The following PLEKHG3 variants were observed in gnomAD, a reference collection of about 807,000 sequenced individuals.
The protein encoded by PLEKHG3 is pleckstrin homology domain-containing family G member 3.
A neutral mutation model predicts 94.9 loss-of-function variants in PLEKHG3; 62 were observed. The observed-to-expected ratio is 0.65, with a 90% confidence interval of 0.53 to 0.81. The LOEUF (loss-of-function observed/expected upper bound fraction) is 0.81, where lower values mean the gene tolerates loss of function less well. Ranked by LOEUF, PLEKHG3 falls within the 30% of genes least tolerant of loss-of-function variation. PLEKHG3 has a pLI of 0.00. For missense variants in PLEKHG3, 1,461 were observed against 1,619.3 expected, an observed-to-expected ratio of 0.90 and a Z score of 1.68; for synonymous variants, 614 against 654.0, an observed-to-expected ratio of 0.94 and a Z score of 0.93.
In PLEKHG3 at chr14:64,738,460, G is replaced by GT. The variant is rs1167348062; in HGVS notation, c.1405-281dup. On this transcript the variant is annotated intron_variant, in intron 14 of 16. Coordinates refer to ENST00000247226, the MANE Select transcript of PLEKHG3 (RefSeq NM_001308147.2). This position sits in a 1 kb window ranked among gnomAD's most constrained non-coding sequence, Gnocchi z 4.8. ...CAAGCATGACAAGTGGGGTGGGGTGGTGGGGGCAGGGAGAAGCTAGCACAC... is the reference window on the plus strand; with the variant it reads ...CAAGCATGACAAGTGGGGTGGGGTGGTTGGGGGCAGGGAGAAGCTAGCACAC... Among the ~76,000 whole-genome samples the GT allele has an allele frequency of 2.0e-5, 3 of 152,220 alleles. No individual in the cohort carries two copies. Among genetic ancestry groups the GT allele is most frequent in the Non-Finnish European group, 4.4e-5 (3 of 68,038 alleles).
rs1349936705 is a variant in PLEKHG3, at chr14:64,723,216, T to TCC, written c.-39-4373_-39-4372dup. On this transcript the variant is annotated intron_variant, in intron 1 of 16. Coordinates refer to ENST00000247226, the MANE Select transcript of PLEKHG3 (RefSeq NM_001308147.2). The surrounding 1 kb of genome is among the most constrained non-coding windows in gnomAD (Gnocchi z 4.5). ...GAAAAAGAAAAGAAACCTCCCTCTC[T>TCC]CCCCCTCTTCTGCCCCTGGATCCTT... is the stretch of plus-strand genomic sequence containing the variant. 6.6e-6 allele frequency among the ~76,000 whole-genome samples: 1 copy of TCC among 152,080 alleles called. No individual in the cohort carries two copies. The highest frequency in any genetic ancestry group is 1.5e-5 in the Non-Finnish European group (1 of 68,008).
At position 64,737,338 on chromosome 14, in the gene PLEKHG3, C is replaced by T. The variant is rs763176376; in HGVS notation, c.1385-18C>T. 17 of 1,603,118 alleles carry T rather than the reference C, an allele frequency of 1.1e-5. No individual in the cohort carries two copies. In the Admixed American group the frequency reaches 1.5e-4, roughly 15 times the overall value. ...CCCCTCGCCCGTGTGCTGGGGGACC[C>T]GGTGGTGATGTCTGCAGCCCGAGCA... On this transcript the variant is annotated intron_variant, in intron 13 of 16. Coordinates refer to ENST00000247226, the MANE Select transcript of PLEKHG3 (RefSeq NM_001308147.2).
In PLEKHG3 at chr14:64,731,866, G is replaced by A; in HGVS notation, c.1125+60G>A. On this transcript the variant is annotated intron_variant, in intron 9 of 16. Coordinates refer to ENST00000247226, the MANE Select transcript of PLEKHG3 (RefSeq NM_001308147.2). The surrounding 1 kb of genome is among the most constrained non-coding windows in gnomAD (Gnocchi z 6.1). The stretch of plus-strand genomic sequence containing the variant: ...AAGATGCCCAGGGGACACCTGCGTG[G>A]GACTCCTGGCTCCTCTGCTCACCTA... The A allele has an allele frequency of 1.6e-6, 2 of 1,242,064 alleles. No homozygotes were observed. The highest frequency in any genetic ancestry group is 2.4e-6 in the Non-Finnish European group (2 of 847,748). The allele number at this position is 1,242,064 out of a possible 1,614,324, so 76.9% of individuals were successfully genotyped here. A position where few individuals can be genotyped will look rare whatever the true frequency, so the allele number is the denominator to read the frequency against.
Position 64,745,629 on chromosome 14 carries a change from C to T in PLEKHG3, c.*1926C>T, listed in dbSNP as rs2081820727. 6.6e-6 allele frequency: 1 copy of T among 152,310 alleles called. No homozygotes were observed. The highest frequency in any genetic ancestry group is 1.5e-5 in the Non-Finnish European group (1 of 68,092). 9.4% of individuals were successfully genotyped at this position (152,310 alleles called of 1,614,324 possible). A position where few individuals can be genotyped will look rare whatever the true frequency, so the allele number is the denominator to read the frequency against. On this transcript the variant is annotated 3_prime_UTR_variant, in exon 17 of 17. Transcript: ENST00000247226. This position sits in a 1 kb window ranked among gnomAD's most constrained non-coding sequence, Gnocchi z 5.0. ...AGACTGGCCTGGCAGGAGCCAGTGA[C>T]TGTGGAATGACCACAGAAGATTCAG...
At position 64,744,771 on chromosome 14, in the gene PLEKHG3, A is replaced by ATTTTTTTTTTTTTTTTTTTTTTTT. The variant is rs397954215; in HGVS notation, c.*1088_*1089insTTTTTTTTTTTTTTTTTTTTTTTT. The ATTTTTTTTTTTTTTTTTTTTTTTT allele has an allele frequency of 3.0e-4, 36 of 122,014 alleles. 3 individuals are homozygous for ATTTTTTTTTTTTTTTTTTTTTTTT. The highest frequency in any genetic ancestry group is 1.1e-3 in the African/African-American group (32 of 29,494). 7.6% of individuals were successfully genotyped at this position (122,014 alleles called of 1,614,324 possible). A position where few individuals can be genotyped will look rare whatever the true frequency, so the allele number is the denominator to read the frequency against. On this transcript the variant is annotated 3_prime_UTR_variant, in exon 17 of 17. Transcript: ENST00000247226. ...CCAGGAAACATCCTAGAAGACAAGG[A>ATTTTTTTTTTTTTTTTTTTTTTTT]TTTTTTTTTTTTTTTTTTTTGAGAC... is the stretch of plus-strand genomic sequence containing the variant.
chr14:64,737,705 C>T (rs548347110), intron 14 of PLEKHG3, among the ~76,000 whole-genome samples: 1 of 152,204 alleles, frequency 6.6e-6, no homozygotes, highest in African/African-American at 2.4e-5. Flanking sequence ...GCCTTTCCAC[C>T]ATGAGAATGC....
In PLEKHG3 at chr14:64,738,275, G is replaced by A. The variant is rs1243196346; in HGVS notation, c.1405-467G>A. 5.7e-5 allele frequency: 68 copies of A among 1,192,086 alleles called. 1 individual carries two copies. The highest frequency in any genetic ancestry group is 7.2e-5 in the Non-Finnish European group (65 of 905,612). The allele number at this position is 1,192,086 out of a possible 1,614,324, so 73.8% of individuals were successfully genotyped here. A position where few individuals can be genotyped will look rare whatever the true frequency, so the allele number is the denominator to read the frequency against. On this transcript the variant is annotated intron_variant, in intron 14 of 16. Coordinates refer to ENST00000247226, the MANE Select transcript of PLEKHG3 (RefSeq NM_001308147.2). The surrounding 1 kb of genome is among the most constrained non-coding windows in gnomAD (Gnocchi z 4.8). ...CCTCCTTGCATGCTCCCTGGGATGT[G>A]CATGCCCACCCGAGGGCCCCCTCTG...
intron 16 of PLEKHG3, 117 bp from the exon 17 acceptor site, chr14:64,742,865 A>G (rs1288474796): frequency 1.1e-6 from 1 of 924,562 alleles, no homozygotes; most frequent in African/African-American, 1.6e-5. Flanking sequence ...CTCCCATCAC[A>G]CCCAAAACCC....
rs2081710975 is a variant in PLEKHG3 at position 64,742,128 on chromosome 14, C to T, written c.2611C>T (p.Pro871Ser). ...SATASPESSSPTEGRSPAHLA... is the reference protein window; with the variant it reads ...SATASPESSSSTEGRSPAHLA... ...CACTGCCTCCCCGGAAAGCTCCTCT[C>T]CCACTGAGGGGCGCAGCCCGGCCCA... Residue 871 changes from proline (P) to serine (S), a missense_variant, in exon 16 of 17, where the codon CCC (proline) becomes TCC (serine). Physicochemically the swap from Pro to Ser is moderately conservative, Grantham distance 74. Around this residue, in one of 3 missense-constraint regions of PLEKHG3, gnomAD observed 1,201 missense variants for 1,295.5 expected, o/e 0.93. Transcript: ENST00000247226. The T allele has an allele frequency of 2.5e-6, 4 of 1,611,176 alleles. No homozygotes were observed. The highest frequency in any genetic ancestry group is 3.3e-5 in the Admixed American group (2 of 60,014).
chr14:64,729,352 G>A (rs1171314327), intron 3 of PLEKHG3, among the ~76,000 whole-genome samples: 8 of 152,204 alleles, frequency 5.3e-5, no homozygotes, highest in Admixed American at 5.2e-4. Context: ...GGGCTGCTGG[G>A]CCCTACCTTG....
Position 64,727,833 on chromosome 14 carries a change from T to C in PLEKHG3, c.202T>C (p.Trp68Arg). 1 of 1,613,120 alleles carries C rather than the reference T, an allele frequency of 6.2e-7. No individual in the cohort carries two copies. The highest frequency in any genetic ancestry group is 8.5e-7 in the Non-Finnish European group (1 of 1,179,390). Residue 68 changes from tryptophan (W) to arginine (R), a missense_variant, in exon 2 of 17, where the codon TGG (tryptophan) becomes CGG (arginine). Around this residue, in one of 3 missense-constraint regions of PLEKHG3, gnomAD observed 253 missense variants for 297.8 expected, o/e 0.85. Coordinates refer to ENST00000247226, the MANE Select transcript of PLEKHG3 (RefSeq NM_001308147.2). This position sits in a 1 kb window ranked among gnomAD's most constrained non-coding sequence, Gnocchi z 6.0. The part of the protein sequence containing the change: ...LPNSNNNSSS[W>R]LNVKGPLSPF... The stretch of plus-strand genomic sequence containing the variant: ...CAACAGCAACAACAACTCCAGCAGC[T>C]GGTTGAACGTGAAGGGGCCCCTCTC...
In PLEKHG3 at chr14:64,721,675, G is replaced by A. The variant is rs17767206; in HGVS notation, c.-39-5918G>A. Among the ~76,000 whole-genome samples the A allele has an allele frequency of 0.15, 23,308 of 152,126 alleles. 1,883 individuals are homozygous for A. Among genetic ancestry groups the A allele is most frequent in the African/African-American group, 0.19 (7,954 of 41,476 alleles). ...CACTCCCCGGGGAGCCTTCTCTCGC[G>A]CTTTATTACGGTGCTCAGGGCTGCT... On this transcript the variant is annotated intron_variant, in intron 1 of 16. Transcript: ENST00000247226. The surrounding 1 kb of genome is among the most constrained non-coding windows in gnomAD (Gnocchi z 4.3).
In PLEKHG3 at chr14:64,737,363, A is replaced by G. The variant is rs757118520; in HGVS notation, c.1392A>G (p.Ala464=). The change falls in exon 14 of 17, where the codon GCA becomes GCG. Residue 464 remains alanine (A), a synonymous_variant. Coordinates refer to ENST00000247226, the MANE Select transcript of PLEKHG3 (RefSeq NM_001308147.2). ...CGGTGGTGATGTCTGCAGCCCGAGC[A>G]GCAGGAATGAAGGTAAAGGCCAGTG... ...LLRQLNEKAR[A]AGMKGKGRRE... is the part of the protein sequence containing the mutation. 12 of 1,601,366 alleles carry G rather than the reference A, an allele frequency of 7.5e-6. No homozygotes were observed. The Admixed American group carries it at 2.1e-4, about 28-fold the overall frequency.
rs371009157 is a variant in PLEKHG3, at chr14:64,732,219, T to C, written c.1212+38T>C. The C allele has an allele frequency of 1.0e-4, 157 of 1,550,202 alleles. No homozygotes were observed. Among genetic ancestry groups the C allele is most frequent in the Middle Eastern group, 1.7e-4 (1 of 5,954 alleles). On this transcript the variant is annotated intron_variant, in intron 10 of 16. Coordinates refer to ENST00000247226, the MANE Select transcript of PLEKHG3 (RefSeq NM_001308147.2). The surrounding 1 kb of genome is among the most constrained non-coding windows in gnomAD (Gnocchi z 4.9). ...AGCTCCTGACTGTGTGCAAGGAGAA[T>C]GTGCTCCTCTGAGCCAGCTCTGCAA... is the stretch of plus-strand genomic sequence containing the variant.
rs2081864826 is a variant in PLEKHG3, at chr14:64,747,466, T to G, written c.*3763T>G. On this transcript the variant is annotated 3_prime_UTR_variant, in exon 17 of 17. Transcript: ENST00000247226. ...TAGGGTCATATGTACCAAAGCCAAA[T>G]GAAGACCTTGCTCACCAGGGCGGGA... is the stretch of plus-strand genomic sequence containing the variant. 6.6e-6 allele frequency: 1 copy of G among 152,652 alleles called. No individual in the cohort carries two copies. Among genetic ancestry groups the G allele is most frequent in the Non-Finnish European group, 1.5e-5 (1 of 68,068 alleles). The allele number at this position is 152,652 out of a possible 1,614,324, so 9.5% of individuals were successfully genotyped here. A position where few individuals can be genotyped will look rare whatever the true frequency, so the allele number is the denominator to read the frequency against.
Position 64,727,518 on chromosome 14 carries a change from C to T in PLEKHG3, c.-39-75C>T, listed in dbSNP as rs886421336. On this transcript the variant is annotated intron_variant, in intron 1 of 16. Transcript: ENST00000247226. This position sits in a 1 kb window ranked among gnomAD's most constrained non-coding sequence, Gnocchi z 6.0. Reference sequence around the variant, plus strand: ...ACCTTCCCACCCCACCTGCCCCCACCCCTGGCAACCGTCCCTCTGTTCTGT... The same window carrying T: ...ACCTTCCCACCCCACCTGCCCCCACTCCTGGCAACCGTCCCTCTGTTCTGT... 1 of 564,204 alleles carries T rather than the reference C, an allele frequency of 1.8e-6. No homozygotes were observed. The highest frequency in any genetic ancestry group is 3.2e-6 in the Non-Finnish European group (1 of 308,074). 34.9% of individuals were successfully genotyped at this position (564,204 alleles called of 1,614,324 possible).
intron 13 of PLEKHG3, 140 bp downstream of exon 13, chr14:64,737,031 C>G (rs1206421953): frequency 5.3e-6 from 4 of 750,432 alleles, no homozygotes; most frequent in South Asian, 1.5e-5. Flanking sequence ...TCCATTCCCC[C>G]CAGAAGAGGG....
chr14:64,732,591 T>TGG lies in PLEKHG3; in HGVS notation c.1246+136_1246+137dup, dbSNP rs2081489458. 7 of 767,258 alleles carry TGG rather than the reference T, an allele frequency of 9.1e-6. No homozygotes were observed. The South Asian group carries it at 1.1e-4, about 12-fold the overall frequency. The allele number at this position is 767,258 out of a possible 1,614,324, so 47.5% of individuals were successfully genotyped here. Reference sequence around the variant, plus strand: ...AGGGCGGGGGTCTCCTGTTAAGGGCTGGGGGGTGAACTACATGATTAAGGA... The same window carrying TGG: ...AGGGCGGGGGTCTCCTGTTAAGGGCTGGGGGGGGTGAACTACATGATTAAGGA... On this transcript the variant is annotated intron_variant, in intron 11 of 16. Transcript: ENST00000247226. This position sits in a 1 kb window ranked among gnomAD's most constrained non-coding sequence, Gnocchi z 4.9.
In PLEKHG3 at chr14:64,744,266, G is replaced by T. The variant is rs2081785162; in HGVS notation, c.*563G>T. On this transcript the variant is annotated 3_prime_UTR_variant, in exon 17 of 17. Transcript: ENST00000247226. ...AGTTCAGGTACTTTTGAGGGTTGTT[G>T]TGCTGACCCTGTGGTTGTCGCTGAT... 1 of 152,894 alleles carries T rather than the reference G, an allele frequency of 6.5e-6. No individual in the cohort carries two copies. The highest frequency in any genetic ancestry group is 2.1e-4 in the South Asian group (1 of 4,846). The allele number at this position is 152,894 out of a possible 1,614,324, so 9.5% of individuals were successfully genotyped here.
Sources: allele counts gnomAD v4.1 joint callset (sites outside exome capture counted in the v4.1 genomes callset), GRCh38; gene constraint gnomAD v4.1.1; regional missense constraint gnomAD v4.1.1; non-coding constraint Gnocchi (gnomAD v3.1); transcripts MANE v1.5; gene names NCBI Gene and HGNC (gene_info 2026-07-23, HGNC 2026-07-21).